HPCAL1: variants seen among roughly 807,000 people sequenced by gnomAD.
HPCAL1 encodes hippocalcin-like protein 1.
In HPCAL1, 8 loss-of-function variants were observed where a neutral mutation model predicts 17.1. The observed-to-expected ratio is 0.47, with a 90% CI of 0.27 to 0.84. The LOEUF (loss-of-function observed/expected upper bound fraction) is 0.84. Ranked by LOEUF, HPCAL1 falls within the 40% of genes least tolerant of loss-of-function variation. The pLI is 0.13. For synonymous variants in HPCAL1, 112 were observed against 111.4 expected (o/e 1.01, Z -0.03); for missense variants, 165 against 271.1 (o/e 0.61, Z 2.75).
chr2:10,343,383 A>T lies in HPCAL1; in HGVS notation c.-111+40206A>T, dbSNP rs1364611398. On this transcript the variant is annotated intron_variant, in intron 1 of 4. Coordinates refer to ENST00000307845, the MANE Select transcript of HPCAL1 (RefSeq NM_002149.4). The surrounding 1 kb of genome is among the most constrained non-coding windows in gnomAD (Gnocchi z 4.8). Reference sequence around the variant, plus strand: ...TGATGCTAATTCTCACTAGCATGTGAAGGACTGATAGCACCATATCTCCCT... The same window carrying T: ...TGATGCTAATTCTCACTAGCATGTGTAGGACTGATAGCACCATATCTCCCT... 6.6e-6 allele frequency among the ~76,000 whole-genome samples: 1 copy of T among 152,220 alleles called. No homozygotes were observed. Among genetic ancestry groups the T allele is most frequent in the Non-Finnish European group, 1.5e-5 (1 of 68,038 alleles).
rs138179157 is a variant in HPCAL1, at chr2:10,339,869, G to A, written c.-111+36692G>A. On this transcript the variant is annotated intron_variant, in intron 1 of 4. Coordinates refer to ENST00000307845, the MANE Select transcript of HPCAL1 (RefSeq NM_002149.4). ...TGTGGGCCTCCTGGGGTTCCTGTGC[G>A]TTGAGGCCTGAGCCCCTGCGTGCGC... Among the ~76,000 whole-genome samples the A allele has an allele frequency of 8.1e-3, 1,233 of 152,284 alleles. 47 individuals carry two copies. The highest frequency in any genetic ancestry group is 5.3e-3 in the African/African-American group (221 of 41,548).
At chr2:10,374,627 C>G (rs890743563) in intron 1 of HPCAL1, among the ~76,000 whole-genome samples, 17 of 152,226 alleles carry the variant, frequency 1.1e-4, no homozygotes, top group Non-Finnish European at 2.1e-4. Context: ...GGGAGACAGA[C>G]ACGGGCGTAT....
At chr2:10,415,678 T>A (rs192245804) in intron 2 of HPCAL1, among the ~76,000 whole-genome samples, 243 of 152,280 alleles carry the variant, frequency 1.6e-3, no homozygotes, top group Middle Eastern at 0.01. Context: ...AGGCCTCCTC[T>A]TGATCATCAC....
At chr2:10,337,671 G>A (rs907993416) in intron 1 of HPCAL1, among the ~76,000 whole-genome samples, 1 of 152,198 alleles carries the variant, frequency 6.6e-6, no homozygotes, top group African/African-American at 2.4e-5. Flanking sequence ...CGTAGACCCT[G>A]GCCCTGCTCT....
chr2:10,324,408 CTG>C (rs950150052), intron 1 of HPCAL1: 3 of 152,240 alleles, frequency 2.0e-5, no homozygotes, highest in East Asian at 1.9e-4. Flanking sequence ...TGAGCAAAAA[CTG>C]GGGTTCAGCC....
intron 1 of HPCAL1, among the ~76,000 whole-genome samples, chr2:10,306,460 A>T (rs1160362029): frequency 6.6e-6 from 1 of 152,106 alleles, no homozygotes; most frequent in African/African-American, 2.4e-5. Context: ...TTATGTCCTC[A>T]TGTAAAGCTG....
chr2:10,391,896 G>A (rs182618926), intron 1 of HPCAL1, among the ~76,000 whole-genome samples: 400 of 152,244 alleles, frequency 2.6e-3, no homozygotes, highest in Non-Finnish European at 4.8e-3. Context: ...TTACAGGCGC[G>A]TGCCACCACA....
intron 1 of HPCAL1, among the ~76,000 whole-genome samples, chr2:10,334,695 C>CTTTTTCTTTTCTTTTT (rs1553342211): frequency 4.1e-5 from 6 of 146,330 alleles, no homozygotes; most frequent in African/African-American, 1.5e-4. Context: ...ATTCCATTGA[C>CTTTTTCTTTTCTTTTT]TTTTTTTTGA....
intron 1 of HPCAL1, among the ~76,000 whole-genome samples, chr2:10,383,513 C>A (rs1225047847): frequency 6.6e-6 from 1 of 152,066 alleles, no homozygotes; most frequent in African/African-American, 2.4e-5. Flanking sequence ...CAGGCACCTG[C>A]CACCACACCC....
At chr2:10,351,911 CTT>C (rs532441714) in intron 1 of HPCAL1, among the ~76,000 whole-genome samples, 9 of 139,344 alleles carry the variant, frequency 6.5e-5, no homozygotes, top group East Asian at 2.1e-4. Flanking sequence ...TTCTTTCTTT[CTT>C]TTTTTTTTTT....
At chr2:10,366,867 G>A (rs561763765) in intron 1 of HPCAL1, among the ~76,000 whole-genome samples, 1 of 152,328 alleles carries the variant, frequency 6.6e-6, no homozygotes, top group East Asian at 1.9e-4. Context: ...TAGATCCAAG[G>A]ATGCTGGGGC....
intron 1 of HPCAL1, among the ~76,000 whole-genome samples, chr2:10,319,481 GC>G (rs1663531948): frequency 6.6e-6 from 1 of 151,292 alleles, no homozygotes; most frequent in African/African-American, 2.4e-5. Context: ...GCCAGGCATG[GC>G]TCAAATCAGA....
intron 1 of HPCAL1, among the ~76,000 whole-genome samples, chr2:10,368,304 G>C (rs948950020): frequency 1.3e-5 from 2 of 151,928 alleles, no homozygotes; most frequent in African/African-American, 4.8e-5. Context: ...GTGCATGTGT[G>C]TGCACATATG....
intron 2 of HPCAL1, among the ~76,000 whole-genome samples, chr2:10,407,461 A>C (rs544723214): frequency 4.6e-5 from 7 of 152,380 alleles, no homozygotes; most frequent in African/African-American, 1.7e-4. Context: ...ACAACCATTC[A>C]TTCAAACATA....
intron 1 of HPCAL1, among the ~76,000 whole-genome samples, chr2:10,318,995 C>CA (rs998624289): frequency 2.0e-5 from 3 of 152,200 alleles, no homozygotes; most frequent in African/African-American, 7.2e-5. Flanking sequence ...GGGAATTCCA[C>CA]AGCCTCCCTT....
intron 1 of HPCAL1, among the ~76,000 whole-genome samples, chr2:10,306,130 T>C (rs997685020): frequency 6.6e-6 from 1 of 152,240 alleles, no homozygotes; most frequent in Admixed American, 6.5e-5. Context: ...CGGAGTTTAT[T>C]TGGCACCGAA....
rs113558215 is a variant in HPCAL1, at chr2:10,394,798, A to C, written c.-110-2037A>C. The stretch of plus-strand genomic sequence containing the variant: ...GAAGACCTAAAAAATAAAATCTTTT[A>C]TTTTATTTTATTTTTTTGAGACAAC... On this transcript the variant is annotated intron_variant, in intron 1 of 4. Coordinates refer to ENST00000307845, the MANE Select transcript of HPCAL1 (RefSeq NM_002149.4). This position sits in a 1 kb window ranked among gnomAD's most constrained non-coding sequence, Gnocchi z 5.0. Among the ~76,000 whole-genome samples the C allele has an allele frequency of 4.9e-3, 749 of 151,992 alleles. 17 individuals are homozygous for C. The highest frequency in any genetic ancestry group is 0.017 in the African/African-American group (694 of 41,452).
chr2:10,411,875 C>T (rs370894091), intron 2 of HPCAL1, among the ~76,000 whole-genome samples: 1 of 152,200 alleles, frequency 6.6e-6, no homozygotes, highest in East Asian at 1.9e-4. Context: ...CCTCAACTCA[C>T]CCATCTTCTG....
At chr2:10,409,865 C>G in intron 2 of HPCAL1, among the ~76,000 whole-genome samples, 1 of 143,200 alleles carries the variant, frequency 7.0e-6, no homozygotes, top group South Asian at 2.3e-4. Flanking sequence ...CCTCAGCTCA[C>G]TGCAACCTCC....
Sources: gnomAD v4.1 joint callset for allele counts (sites outside exome capture counted in the v4.1 genomes callset) on GRCh38, gnomAD v4.1.1 for gene constraint, Gnocchi (gnomAD v3.1) non-coding constraint, MANE v1.5 for transcripts, NCBI Gene and HGNC (gene_info 2026-07-23, HGNC 2026-07-21) for gene names.